NLGN1: variants seen among roughly 807,000 people sequenced by gnomAD.
The protein encoded by NLGN1 is neuroligin 1, also known as neuroligin-1.
Under a neutral mutation model 65.5 loss-of-function variants are expected in NLGN1, and 12 were observed. The ratio of observed to expected loss-of-function variants is 0.18; its 90% CI spans 0.12 to 0.30. NLGN1 has a LOEUF of 0.30. NLGN1 is among the 10% of genes least tolerant of loss of function. NLGN1 has a pLI of 1.00. For synonymous variants in NLGN1, 350 were observed against 359.5 expected, an observed-to-expected ratio of 0.97 and a Z score of 0.30; for missense variants, 750 against 1,007.1, an observed-to-expected ratio of 0.74 and a Z score of 3.46.
At chr3:173,784,792 G>C (rs971445181) in intron 3 of NLGN1, among the ~76,000 whole-genome samples, 2 of 152,146 alleles carry the variant, frequency 1.3e-5, no homozygotes, top group African/African-American at 2.4e-5. Context: ...ATATACAACA[G>C]ATAGAAAACA....
chr3:174,170,631 C>A (rs1396015416), intron 4 of NLGN1, among the ~76,000 whole-genome samples: 7 of 152,182 alleles, frequency 4.6e-5, no homozygotes, highest in Admixed American at 3.9e-4. Flanking sequence ...CATGTGAGAG[C>A]AGCTACCAAA....
At chr3:174,164,463 G>A (rs573166211) in intron 4 of NLGN1, among the ~76,000 whole-genome samples, 67 of 151,220 alleles carry the variant, frequency 4.4e-4, no homozygotes, top group Admixed American at 4.6e-4. Context: ...GCTTTGTTGC[G>A]CTTTTTCTTC....
intron 4 of NLGN1, among the ~76,000 whole-genome samples, chr3:174,019,793 G>C (rs1345640280): frequency 6.6e-6 from 1 of 152,022 alleles, no homozygotes; most frequent in Non-Finnish European, 1.5e-5. Flanking sequence ...CATTTGGTTT[G>C]CATAGTTACG....
intron 4 of NLGN1, among the ~76,000 whole-genome samples, chr3:174,017,505 G>A (rs1230947097): frequency 2.0e-5 from 3 of 152,088 alleles, no homozygotes; most frequent in Non-Finnish European, 4.4e-5. Context: ...TTAATTTATT[G>A]AGGTTCTTTC....
At chr3:174,153,105 C>T (rs1433683641) in intron 4 of NLGN1, among the ~76,000 whole-genome samples, 1 of 152,086 alleles carries the variant, frequency 6.6e-6, no homozygotes, top group Non-Finnish European at 1.5e-5. Context: ...GGAAACCAGC[C>T]TCTTTTATTG....
chr3:174,294,107 GTATC>G, the NLGN1 span, among the ~76,000 whole-genome samples: 1 of 151,498 alleles, frequency 6.6e-6, no homozygotes, highest in African/African-American at 2.4e-5. Flanking sequence ...GTGTATTAAA[GTATC>G]TATTTCCCTA....
At chr3:173,634,247 A>G (rs1207336199) in intron 3 of NLGN1, among the ~76,000 whole-genome samples, 1 of 152,128 alleles carries the variant, frequency 6.6e-6, no homozygotes, top group Non-Finnish European at 1.5e-5. Flanking sequence ...AAGAGTACAT[A>G]TGATAAAATG....
chr3:173,896,008 A>G (rs1471748265), intron 4 of NLGN1, among the ~76,000 whole-genome samples: 3 of 152,040 alleles, frequency 2.0e-5, no homozygotes, highest in African/African-American at 7.2e-5. Flanking sequence ...CCTGGCCTCA[A>G]TGACTATACT....
Position 174,195,152 on chromosome 3 carries a change from C to T in NLGN1, c.647-80163C>T, listed in dbSNP as rs369086915. Reference sequence around the variant, plus strand: ...CTGGGAATACAGGCATGAGCCACCGCCCCCAGCCAAAGATCATGTTTTTTA... The same window carrying T: ...CTGGGAATACAGGCATGAGCCACCGTCCCCAGCCAAAGATCATGTTTTTTA... On this transcript the variant is annotated intron_variant, in intron 4 of 6. Coordinates refer to ENST00000457714, the Ensembl canonical transcript of NLGN1. Among the ~76,000 whole-genome samples, 27 of 152,244 alleles carry T rather than the reference C, an allele frequency of 1.8e-4. No individual in the cohort carries two copies. In the East Asian group the frequency reaches 5.0e-3, roughly 28 times the overall value.
At chr3:173,619,497 A>G (rs1328391152) in intron 3 of NLGN1, among the ~76,000 whole-genome samples, 1 of 152,216 alleles carries the variant, frequency 6.6e-6, no homozygotes, top group East Asian at 1.9e-4. Flanking sequence ...ACTCACAAAA[A>G]TCATTATTAT....
intron 4 of NLGN1, among the ~76,000 whole-genome samples, chr3:174,125,696 A>C (rs1577004885): frequency 6.6e-6 from 1 of 152,230 alleles, no homozygotes. Flanking sequence ...GTTGTACATG[A>C]GATTGTATAC....
intron 2 of NLGN1, among the ~76,000 whole-genome samples, chr3:173,550,276 T>C (rs1487321561): frequency 1.3e-5 from 2 of 152,120 alleles, no homozygotes; most frequent in Non-Finnish European, 2.9e-5. Context: ...AAAAATCAGC[T>C]ATAATATTAT....
intron 3 of NLGN1, among the ~76,000 whole-genome samples, chr3:173,733,494 C>T (rs2150068012): frequency 6.6e-6 from 1 of 152,164 alleles, no homozygotes; most frequent in East Asian, 1.9e-4. Context: ...AGGAAGGATA[C>T]ACTCTTTTCT....
intron 4 of NLGN1, among the ~76,000 whole-genome samples, chr3:173,863,412 A>G (rs73035415): frequency 0.05 from 7,652 of 152,244 alleles, 556 homozygotes; most frequent in African/African-American, 0.16. Context: ...ATCTTTGCTT[A>G]CTTTAGGTTT....
intron 2 of NLGN1, among the ~76,000 whole-genome samples, chr3:173,535,283 T>A (rs187763276): frequency 2.0e-4 from 30 of 152,250 alleles, no homozygotes; most frequent in Non-Finnish European, 3.5e-4. Context: ...GTTCCTAATA[T>A]GGAAAAAACT....
chr3:173,412,794 ATAACATACTTTCACAAGAAGGGATTC>A (rs1712860464), intron 1 of NLGN1, among the ~76,000 whole-genome samples: 1 of 152,202 alleles, frequency 6.6e-6, no homozygotes, highest in South Asian at 2.1e-4. Context: ...GGCATATCCA[ATAACATACTTTCACAAGAAGGGATTC>A]TATGAAATTA....
chr3:174,199,127 G>A (rs1490404439), intron 4 of NLGN1, among the ~76,000 whole-genome samples: 4 of 152,086 alleles, frequency 2.6e-5, no homozygotes, highest in African/African-American at 7.2e-5. Context: ...AATTATAGGC[G>A]TGAGCCACCG....
chr3:173,815,077 G>A (rs4894456), intron 4 of NLGN1, among the ~76,000 whole-genome samples: 17,069 of 120,594 alleles, frequency 0.14, 1,065 homozygotes, highest in African/African-American at 0.2. Flanking sequence ...TCTTTCCTTC[G>A]TTCCTTCTTT....
At chr3:173,830,241 T>C (rs957244115) in intron 4 of NLGN1, among the ~76,000 whole-genome samples, 25 of 152,186 alleles carry the variant, frequency 1.6e-4, no homozygotes, top group African/African-American at 7.2e-5. Context: ...TCATAACTTA[T>C]GACATTCAAG....
Sources: gnomAD v4.1 joint callset for allele counts (sites outside exome capture counted in the v4.1 genomes callset) on GRCh38, gnomAD v4.1.1 for gene constraint, MANE v1.5 for transcripts, NCBI Gene and HGNC (gene_info 2026-07-23, HGNC 2026-07-21) for gene names.